Variants in PCDHGA4 observed in about 807,000 individuals in gnomAD.
PCDHGA4 encodes the protein protocadherin gamma-A4.
PCDHGA4 carries 38 observed loss-of-function variants against 54.6 expected under a neutral mutation model. That is an observed-to-expected ratio of 0.70 (90% CI 0.54 to 0.91). The LOEUF (loss-of-function observed/expected upper bound fraction) is 0.91. Ranked by LOEUF, PCDHGA4 falls within the 40% of genes least tolerant of loss-of-function variation. The pLI, the probability that PCDHGA4 is intolerant of heterozygous loss-of-function variation, is 0.00. For missense variants in PCDHGA4, 1,298 were observed against 1,220.9 expected (o/e 1.06, Z -0.94); for synonymous variants, 511 against 512.9 (o/e 1.00, Z 0.05).
chr5:141,409,443 A>C (rs1276603306), intron 1 of PCDHGA4: 1 of 1,614,014 alleles, frequency 6.2e-7, no homozygotes, highest in East Asian at 2.2e-5. Context: ...GACCGAGAGC[A>C]GACACCAGAA....
At chr5:141,374,976 C>G (rs774690686) in intron 1 of PCDHGA4, 1 of 1,613,898 alleles carries the variant, frequency 6.2e-7, no homozygotes, top group African/African-American at 1.3e-5. Flanking sequence ...AATGTTTTGA[C>G]TGGAGAAATT....
intron 1 of PCDHGA4, among the ~76,000 whole-genome samples, chr5:141,381,816 C>G (rs1588905035): frequency 8.2e-6 from 1 of 122,550 alleles, no homozygotes. Context: ...TTCTTTCTTT[C>G]TTTCTTCTTC....
At chr5:141,388,576 T>C (rs774429693) in intron 1 of PCDHGA4, 13 of 1,613,890 alleles carry the variant, frequency 8.1e-6, no homozygotes, top group South Asian at 3.3e-5. Context: ...ATACACGTTC[T>C]AGTGACTGAT....
intron 1 of PCDHGA4, chr5:141,384,327 A>G (rs750339599): frequency 2.7e-5 from 43 of 1,613,860 alleles, no homozygotes; most frequent in Non-Finnish European, 3.1e-5. Flanking sequence ...TAGTGACTGC[A>G]CAGGACCACG....
chr5:141,458,165 A>T lies in PCDHGA4; in HGVS notation c.2515-36642A>T, dbSNP rs10075475. On this transcript the variant is annotated intron_variant, in intron 1 of 3. Coordinates refer to ENST00000571252, the MANE Select transcript of PCDHGA4 (RefSeq NM_018917.4). Reference sequence around the variant, plus strand: ...TGAACATGCTCCAAATTTTGTTCACAGTAGTATACCTTACTTGATTATTAA... The same window carrying T: ...TGAACATGCTCCAAATTTTGTTCACTGTAGTATACCTTACTTGATTATTAA... Among the ~76,000 whole-genome samples the T allele has an allele frequency of 2.4e-3, 368 of 152,356 alleles. 2 individuals carry two copies. The highest frequency in any genetic ancestry group is 8.5e-3 in the African/African-American group (354 of 41,588).
intron 3 of PCDHGA4, among the ~76,000 whole-genome samples, chr5:141,509,700 TGGA>T (rs1407159498): frequency 6.6e-6 from 1 of 152,192 alleles, no homozygotes; most frequent in East Asian, 1.9e-4. Flanking sequence ...GACGTTGGAC[TGGA>T]GGTGCTGTCT....
intron 1 of PCDHGA4, chr5:141,422,628 C>A: frequency 6.2e-7 from 1 of 1,613,410 alleles, no homozygotes; most frequent in Non-Finnish European, 8.5e-7. Context: ...AAAACAACCC[C>A]AGGGGTGCCT....
chr5:141,507,901 G>T (rs1332204823), intron 3 of PCDHGA4, among the ~76,000 whole-genome samples: 1 of 152,216 alleles, frequency 6.6e-6, no homozygotes, highest in Non-Finnish European at 1.5e-5. Flanking sequence ...CTGAAGTCCA[G>T]CCCAGCCAGG....
In PCDHGA4 at chr5:141,355,064, T is replaced by C. The variant is rs1759705435; in HGVS notation, c.-44T>C. The C allele has an allele frequency of 7.5e-7, 1 of 1,325,416 alleles. No homozygotes were observed. Among genetic ancestry groups the C allele is most frequent in the Non-Finnish European group, 1.0e-6 (1 of 987,294 alleles). 82.1% of individuals were successfully genotyped at this position (1,325,416 alleles called of 1,614,324 possible). A position where few individuals can be genotyped will look rare whatever the true frequency, so the allele number is the denominator to read the frequency against. ...CAGCACAAAGCACTGGCTCTGGAGC[T>C]TTATGAAAGCTTCAAGCGGAAGCCC... On this transcript the variant is annotated 5_prime_UTR_variant, in exon 1 of 4. Coordinates refer to ENST00000571252, the MANE Select transcript of PCDHGA4 (RefSeq NM_018917.4).
chr5:141,452,364 A>G (rs1330623001), intron 1 of PCDHGA4, among the ~76,000 whole-genome samples: 1 of 152,188 alleles, frequency 6.6e-6, no homozygotes, highest in African/African-American at 2.4e-5. Flanking sequence ...GCCTTGCTTC[A>G]TTTTAGTAGG....
chr5:141,371,174 C>T (rs777820402), intron 1 of PCDHGA4: 1 of 1,613,994 alleles, frequency 6.2e-7, no homozygotes, highest in Middle Eastern at 1.6e-4. Flanking sequence ...CTGGCTCCTC[C>T]GTATTAAAAG....
At position 141,491,251 on chromosome 5, in the gene PCDHGA4, C is replaced by A; in HGVS notation, c.2515-3556C>A. On this transcript the variant is annotated intron_variant, in intron 1 of 3. Coordinates refer to ENST00000571252, the MANE Select transcript of PCDHGA4 (RefSeq NM_018917.4). This position sits in a 1 kb window ranked among gnomAD's most constrained non-coding sequence, Gnocchi z 6.9. ...GCTGCTGGTTCTGGAGGATGAGGAC[C>A]CTGAGGAAATGCCCAAATCCAGTGA... 6.2e-7 allele frequency: 1 copy of A among 1,614,144 alleles called. No homozygotes were observed. Among genetic ancestry groups the A allele is most frequent in the Non-Finnish European group, 8.5e-7 (1 of 1,180,016 alleles).
At chr5:141,403,891 A>T (rs779525294) in intron 1 of PCDHGA4, 17 of 1,613,752 alleles carry the variant, frequency 1.1e-5, no homozygotes, top group Admixed American at 1.0e-4. Flanking sequence ...AAGAATGTTC[A>T]TTTTATGAAA....
intron 1 of PCDHGA4, chr5:141,492,033 C>A: frequency 1.8e-6 from 1 of 548,342 alleles, no homozygotes; most frequent in Non-Finnish European, 3.1e-6. Flanking sequence ...CGGGAGGAGG[C>A]AGTCACAGAT....
chr5:141,453,869 G>A (rs887544235), intron 1 of PCDHGA4, among the ~76,000 whole-genome samples: 9 of 152,144 alleles, frequency 5.9e-5, no homozygotes, highest in Non-Finnish European at 1.2e-4. Context: ...TAACAGATGA[G>A]CAAAATAATG....
At chr5:141,413,411 T>TC in intron 1 of PCDHGA4, 1 of 1,614,038 alleles carries the variant, frequency 6.2e-7, no homozygotes, top group Non-Finnish European at 8.5e-7. Flanking sequence ...ACGCAGCTTT[T>TC]CTCTCTGAAC....
intron 1 of PCDHGA4, among the ~76,000 whole-genome samples, chr5:141,450,038 A>G (rs2098666630): frequency 8.1e-6 from 1 of 124,190 alleles, no homozygotes; most frequent in African/African-American, 3.3e-5. Context: ...ACAGGGTCTC[A>G]CTCTTTCGCC....
chr5:141,450,413 T>G (rs549247554), intron 1 of PCDHGA4, among the ~76,000 whole-genome samples: 1 of 152,334 alleles, frequency 6.6e-6, no homozygotes, highest in African/African-American at 2.4e-5. Context: ...GCCATTTGTC[T>G]TGTATAATGC....
At chr5:141,433,285 C>G in intron 1 of PCDHGA4, 1 of 1,169,826 alleles carries the variant, frequency 8.5e-7, no homozygotes, top group Non-Finnish European at 1.2e-6. Flanking sequence ...CCTCAAACTC[C>G]TAGGCTCAAG....
Sources: gnomAD v4.1 joint callset for allele counts (sites outside exome capture counted in the v4.1 genomes callset) on GRCh38, gnomAD v4.1.1 for gene constraint, Gnocchi (gnomAD v3.1) non-coding constraint, MANE v1.5 for transcripts, NCBI Gene and HGNC (gene_info 2026-07-23, HGNC 2026-07-21) for gene names.